The following PDE7A variants were observed in gnomAD, a reference collection of about 807,000 sequenced individuals.
PDE7A encodes high affinity 3',5'-cyclic-AMP phosphodiesterase 7A.
A neutral mutation model predicts 64.3 loss-of-function variants in PDE7A; 39 were observed. The observed-to-expected ratio is 0.61, with a 90% CI of 0.47 to 0.79. PDE7A has a LOEUF of 0.79. Among genes scored for constraint, PDE7A ranks in the 30% least tolerant of loss-of-function variants. The pLI is 0.00. For missense variants in PDE7A, 470 were observed against 582.8 expected (o/e 0.81, Z 1.99); for synonymous variants, 203 against 206.8 (o/e 0.98, Z 0.16).
At chr8:65,832,408 T>C (rs557306203) in intron 1 of PDE7A, among the ~76,000 whole-genome samples, 1 of 152,290 alleles carries the variant, frequency 6.6e-6, no homozygotes, top group South Asian at 2.1e-4. Context: ...ATCTACATTT[T>C]TAGTCATGTC....
At chr8:65,788,926 T>A in intron 1 of PDE7A, 1 of 1,613,240 alleles carries the variant, frequency 6.2e-7, no homozygotes, top group Non-Finnish European at 8.5e-7. Context: ...AGACACCAGA[T>A]CAATGTAATT....
At chr8:65,779,692 G>A (rs759977166) in intron 3 of PDE7A, 28 bp downstream of exon 3, 26 of 1,167,156 alleles carry the variant, frequency 2.2e-5, no homozygotes, top group South Asian at 2.1e-4. Context: ...GTGAAAATCC[G>A]AGAAACTTCA....
intron 2 of PDE7A, among the ~76,000 whole-genome samples, chr8:65,782,480 T>C (rs904461816): frequency 6.6e-6 from 1 of 152,230 alleles, no homozygotes; most frequent in African/African-American, 2.4e-5. Context: ...ATTTGGTATT[T>C]AGCCACTCTA....
chr8:65,726,961 G>A lies in PDE7A; in HGVS notation c.834C>T (p.Thr278=). Residue 278 remains threonine, a synonymous_variant, in exon 9 of 13, where the codon ACC becomes ACT. Coordinates refer to ENST00000401827, the MANE Select transcript of PDE7A (RefSeq NM_001242318.3). ...NHYLATLYKN[T]SVLENHHWRS... is the part of the protein sequence containing the mutation. ...TCCAGTGGTGATTTTCCAGTACTGA[G>A]GTATTCTACAACAAAGGACGTTTCT... The A allele has an allele frequency of 1.3e-6, 2 of 1,577,922 alleles. No individual in the cohort carries two copies. The highest frequency in any genetic ancestry group is 1.7e-6 in the Non-Finnish European group (2 of 1,147,916).
At chr8:65,736,643 C>T (rs1034484927) in intron 6 of PDE7A, among the ~76,000 whole-genome samples, 19 of 151,380 alleles carry the variant, frequency 1.3e-4, no homozygotes, top group African/African-American at 4.4e-4. Flanking sequence ...CCTAGCTACT[C>T]GGGAGGCTGA....
chr8:65,758,983 C>T (rs552387692), intron 3 of PDE7A, among the ~76,000 whole-genome samples: 1 of 152,196 alleles, frequency 6.6e-6, no homozygotes, highest in East Asian at 1.9e-4. Flanking sequence ...CTGTTCTTAC[C>T]GTCATTATGT....
At chr8:65,823,737 T>C (rs535105140) in intron 1 of PDE7A, among the ~76,000 whole-genome samples, 1 of 152,308 alleles carries the variant, frequency 6.6e-6, no homozygotes, top group East Asian at 1.9e-4. Context: ...TTAAAATCTT[T>C]ATCAAACTAG....
At chr8:65,738,382 A>G (rs1002708352) in intron 6 of PDE7A, among the ~76,000 whole-genome samples, 3 of 152,220 alleles carry the variant, frequency 2.0e-5, no homozygotes, top group African/African-American at 7.2e-5. Context: ...CTTCAAACTC[A>G]GAGCAGCAAA....
chr8:65,730,188 T>C lies in PDE7A; in HGVS notation c.697-2887A>G, dbSNP rs1022360268. Among the ~76,000 whole-genome samples the C allele has an allele frequency of 2.8e-4, 38 of 137,202 alleles. 1 individual carries two copies. Among genetic ancestry groups the C allele is most frequent in the African/African-American group, 8.8e-4 (32 of 36,268 alleles). The allele number at this position is 137,202 out of a possible 152,430, so 90.0% of individuals were successfully genotyped here. On this transcript the variant is annotated intron_variant, in intron 7 of 12. Coordinates refer to ENST00000401827, the MANE Select transcript of PDE7A (RefSeq NM_001242318.3). ...GCGCACTTCTTTTTTTTTTTTTTTT[T>C]TTTTTTTTTGAGATGGAGTTTCGCT...
At chr8:65,794,189 T>C (rs1181979807) in intron 1 of PDE7A, among the ~76,000 whole-genome samples, 1 of 152,180 alleles carries the variant, frequency 6.6e-6, no homozygotes, top group African/African-American at 2.4e-5. Context: ...TCTTTTTCCA[T>C]ACACAAAAGA....
At chr8:65,786,057 A>G (rs1401587294) in intron 1 of PDE7A, among the ~76,000 whole-genome samples, 1 of 152,184 alleles carries the variant, frequency 6.6e-6, no homozygotes, top group African/African-American at 2.4e-5. Flanking sequence ...AGCCTCATTT[A>G]TAGAAGCACT....
intron 3 of PDE7A, among the ~76,000 whole-genome samples, chr8:65,774,466 T>G (rs988741766): frequency 2.6e-5 from 4 of 152,112 alleles, no homozygotes; most frequent in African/African-American, 4.8e-5. Flanking sequence ...CTCAGGCTTT[T>G]AGAGAGATAA....
chr8:65,802,967 C>T (rs1007088183), intron 1 of PDE7A, among the ~76,000 whole-genome samples: 1 of 152,190 alleles, frequency 6.6e-6, no homozygotes, highest in Non-Finnish European at 1.5e-5. Context: ...CTCTCACTTG[C>T]TCCTGCTTTT....
At chr8:65,781,750 T>G (rs1011713897) in intron 2 of PDE7A, among the ~76,000 whole-genome samples, 2 of 152,184 alleles carry the variant, frequency 1.3e-5, no homozygotes, top group African/African-American at 4.8e-5. Flanking sequence ...ATGTTAAGTT[T>G]GAGGTATCCA....
At chr8:65,786,487 CTATAAAT>C (rs900561753) in intron 1 of PDE7A, among the ~76,000 whole-genome samples, 1 of 152,074 alleles carries the variant, frequency 6.6e-6, no homozygotes, top group Non-Finnish European at 1.5e-5. Context: ...GGAAAAAACA[CTATAAAT>C]TATGAGTTCT....
At chr8:65,820,102 A>G (rs1012499050) in intron 1 of PDE7A, among the ~76,000 whole-genome samples, 6 of 152,384 alleles carry the variant, frequency 3.9e-5, no homozygotes, top group East Asian at 1.9e-4. Context: ...CACATTTTAA[A>G]AAGTATTACA....
chr8:65,718,828 T>G lies in PDE7A; in HGVS notation c.*462A>C. On this transcript the variant is annotated 3_prime_UTR_variant, in exon 13 of 13. Coordinates refer to ENST00000401827, the MANE Select transcript of PDE7A (RefSeq NM_001242318.3). ...ATTTTCAGAGTTGATTTGTAAACAT[T>G]GTCTTGCCAGAGGCAGCAGAGGCTG... is the stretch of plus-strand genomic sequence containing the variant. 1 of 162,656 alleles carries G rather than the reference T, an allele frequency of 6.1e-6. No individual in the cohort carries two copies. Among genetic ancestry groups the G allele is most frequent in the South Asian group, 1.7e-4 (1 of 5,928 alleles). 10.1% of individuals were successfully genotyped at this position (162,656 alleles called of 1,614,324 possible).
intron 12 of PDE7A, 152 bp from the exon 13 acceptor site, chr8:65,719,647 G>A: frequency 1.6e-6 from 1 of 618,722 alleles, no homozygotes; most frequent in Non-Finnish European, 2.9e-6. Flanking sequence ...AGGTGACAGA[G>A]TCTGTAATGT....
intron 1 of PDE7A, among the ~76,000 whole-genome samples, chr8:65,817,586 C>A (rs1175927988): frequency 6.6e-6 from 1 of 152,116 alleles, no homozygotes; most frequent in Non-Finnish European, 1.5e-5. Flanking sequence ...CCTTGTGTTC[C>A]ATGACCTTGA....
Sources: gnomAD v4.1 joint callset for allele counts (sites outside exome capture counted in the v4.1 genomes callset) on GRCh38, gnomAD v4.1.1 for gene constraint, MANE v1.5 for transcripts, NCBI Gene and HGNC (gene_info 2026-07-23, HGNC 2026-07-21) for gene names.